TRIM9: variants seen among roughly 807,000 people sequenced by gnomAD.
TRIM9 encodes E3 ubiquitin-protein ligase TRIM9.
In TRIM9, 26 loss-of-function variants were observed where a neutral mutation model predicts 78.3. That is an observed-to-expected ratio of 0.33 (90% CI 0.24 to 0.46). The LOEUF is 0.46. Ranked by LOEUF, TRIM9 falls within the 20% of genes least tolerant of loss-of-function variation. The pLI is 1.00. For synonymous variants in TRIM9, 398 were observed against 416.5 expected (o/e 0.96, Z 0.54); for missense variants, 787 against 1,036.4 (o/e 0.76, Z 3.30).
At chr14:51,064,354 A>G (rs1300691924) in intron 1 of TRIM9, among the ~76,000 whole-genome samples, 1 of 152,120 alleles carries the variant, frequency 6.6e-6, no homozygotes, top group African/African-American at 2.4e-5. Flanking sequence ...AAATAGAAAA[A>G]TGGTAGCCTT....
intron 1 of TRIM9, among the ~76,000 whole-genome samples, chr14:51,055,003 C>A (rs1393512649): frequency 6.6e-6 from 1 of 151,498 alleles, no homozygotes; most frequent in African/African-American, 2.4e-5. Flanking sequence ...CTAATTTTTG[C>A]ATTTTCAGAG....
At chr14:51,016,019 T>C (rs11844329) in intron 3 of TRIM9, among the ~76,000 whole-genome samples, 62,901 of 151,952 alleles carry the variant, frequency 0.41, 13,331 homozygotes, top group South Asian at 0.66. Flanking sequence ...GGTACAGTTG[T>C]CTCCTCAGTA....
In TRIM9 at chr14:51,095,094, C is replaced by A. The variant is rs925060189; in HGVS notation, c.-155G>T. 1 of 509,228 alleles carries A rather than the reference C, an allele frequency of 2.0e-6. No homozygotes were observed. The highest frequency in any genetic ancestry group is 3.1e-6 in the Non-Finnish European group (1 of 321,814). The allele number at this position is 509,228 out of a possible 1,614,324, so 31.5% of individuals were successfully genotyped here. On this transcript the variant is annotated 5_prime_UTR_variant, in exon 1 of 13. Coordinates refer to ENST00000684578, the MANE Select transcript of TRIM9 (RefSeq NM_001387360.1). ...GCACTGGCACGGACACCCAGAGAGGCGCTAGCTCTGTGAGCCGCAGCCGCG... is the reference window on the plus strand; with the variant it reads ...GCACTGGCACGGACACCCAGAGAGGAGCTAGCTCTGTGAGCCGCAGCCGCG...
intron 1 of TRIM9, among the ~76,000 whole-genome samples, chr14:51,075,082 G>A (rs1404546402): frequency 1.3e-5 from 2 of 152,180 alleles, no homozygotes; most frequent in African/African-American, 2.4e-5. Context: ...TAAATTTGCC[G>A]CTAACTGGGA....
In TRIM9 at chr14:51,000,770, C is replaced by T. The variant is rs200192609; in HGVS notation, c.1377G>A (p.Thr459=). ...EECCTHNNSA[T]LSWKQPPLST... is the part of the protein sequence containing the mutation. ...ACAGAGGTGGCTGTTTCCAGGACAA[C>T]GTAGCGCTGTTGTTGTGGGTACAAC... The change falls in exon 6 of 13, where the codon ACG becomes ACA. Residue 459 remains threonine (T), a synonymous_variant. Transcript: ENST00000684578. 84 of 1,614,182 alleles carry T rather than the reference C, an allele frequency of 5.2e-5. No homozygotes were observed. The highest frequency in any genetic ancestry group is 1.1e-4 in the East Asian group (5 of 44,890).
intron 1 of TRIM9, among the ~76,000 whole-genome samples, chr14:51,084,189 A>G (rs1301413067): frequency 2.6e-5 from 4 of 151,974 alleles, no homozygotes; most frequent in African/African-American, 9.7e-5. Context: ...TTTTATATAT[A>G]TTTAGTGACC....
intron 1 of TRIM9, among the ~76,000 whole-genome samples, chr14:51,082,447 G>A (rs58066729): frequency 0.021 from 3,228 of 152,280 alleles, 124 homozygotes; most frequent in African/African-American, 0.07. Context: ...AAAGAATGAT[G>A]TACTGAGGCA....
intron 1 of TRIM9, among the ~76,000 whole-genome samples, chr14:51,052,904 C>T (rs536327639): frequency 3.8e-4 from 58 of 152,306 alleles, no homozygotes; most frequent in Middle Eastern, 3.4e-3. Flanking sequence ...TGCCTATAAT[C>T]CCAACATTTT....
intron 1 of TRIM9, among the ~76,000 whole-genome samples, chr14:51,093,399 C>T (rs2064583398): frequency 6.6e-6 from 1 of 152,196 alleles, no homozygotes; most frequent in Admixed American, 6.5e-5. Context: ...GCTTCCAGGC[C>T]GCGACTGCGC....
rs186732237 is a variant in TRIM9 at position 51,057,726 on chromosome 14, T to C, written c.823-32366A>G. 1.8e-3 allele frequency among the ~76,000 whole-genome samples: 276 copies of C among 152,366 alleles called. 1 individual carries two copies. The highest frequency in any genetic ancestry group is 5.8e-3 in the African/African-American group (240 of 41,592). On this transcript the variant is annotated intron_variant, in intron 1 of 12. Coordinates refer to ENST00000684578, the MANE Select transcript of TRIM9 (RefSeq NM_001387360.1). ...TGGTAAAAATCAAAATCATGGCCTT[T>C]TAATCTGAATGTATTCATCTTTCTC...
chr14:51,009,349 T>C (rs1050199266), intron 4 of TRIM9, 116 bp from the exon 5 acceptor site: 1 of 1,277,480 alleles, frequency 7.8e-7, no homozygotes, highest in African/African-American at 1.5e-5. Flanking sequence ...ACTCATACTC[T>C]GACTGCCTCA....
intron 1 of TRIM9, among the ~76,000 whole-genome samples, chr14:51,060,765 C>T (rs2061293970): frequency 6.6e-6 from 1 of 152,222 alleles, no homozygotes; most frequent in African/African-American, 2.4e-5. Flanking sequence ...CTGCACCCAG[C>T]CTATATTCAT....
rs1566660109 is a variant in TRIM9 at position 51,094,317 on chromosome 14, C to T, written c.623G>A (p.Arg208His). 3 of 1,613,570 alleles carry T rather than the reference C, an allele frequency of 1.9e-6. No individual in the cohort carries two copies. The highest frequency in any genetic ancestry group is 1.7e-6 in the Non-Finnish European group (2 of 1,179,784). The stretch of plus-strand genomic sequence containing the variant: ...ACGACCCTGGGCCGGGGGCACCAGG[C>T]GGTGCTTGGCTAGGGGCCCCCGGGG... ...HPPRGPLAKH[R>H]LVPPAQGRVS... is the part of the protein sequence containing the mutation. The change falls in exon 1 of 13, where the codon CGC (arginine) becomes CAC (histidine). Residue 208 changes from arginine to histidine, a missense_variant. Physicochemically the swap from Arg to His is conservative, Grantham distance 29. Around this residue, in one of 3 missense-constraint regions of TRIM9, gnomAD observed 352 missense variants for 472.3 expected, o/e 0.75. Transcript: ENST00000684578.
At chr14:51,002,782 T>C (rs560113991) in intron 5 of TRIM9, among the ~76,000 whole-genome samples, 1 of 152,372 alleles carries the variant, frequency 6.6e-6, no homozygotes, top group South Asian at 2.1e-4. Flanking sequence ...AATTGTCGTA[T>C]ACTTAAGAAA....
chr14:51,063,244 G>A (rs1201018365), intron 1 of TRIM9, among the ~76,000 whole-genome samples: 3 of 152,062 alleles, frequency 2.0e-5, no homozygotes, highest in Non-Finnish European at 1.5e-5. Context: ...ACAATATACT[G>A]GAGTAGGCGG....
chr14:51,059,252 T>C (rs543668273), intron 1 of TRIM9, among the ~76,000 whole-genome samples: 4 of 152,230 alleles, frequency 2.6e-5, no homozygotes, highest in Non-Finnish European at 4.4e-5. Context: ...CTCATGTTAC[T>C]ATGGTTACCA....
chr14:50,997,847 G>C (rs937693238), intron 7 of TRIM9: 1 of 1,397,936 alleles, frequency 7.2e-7, no homozygotes, highest in African/African-American at 1.4e-5. Context: ...TGGAACTGCC[G>C]ATGTGGAATC....
Position 51,076,868 on chromosome 14 carries a change from T to A in TRIM9, c.822+17250A>T, listed in dbSNP as rs999833744. Among the ~76,000 whole-genome samples, 2 of 152,222 alleles carry A rather than the reference T, an allele frequency of 1.3e-5. 1 individual carries two copies. Among genetic ancestry groups the A allele is most frequent in the African/African-American group, 4.8e-5 (2 of 41,466 alleles). On this transcript the variant is annotated intron_variant, in intron 1 of 12. Transcript: ENST00000684578. ...CTTATTCCTAACCCCTCAGTTGTGT[T>A]GCCTGAATAGCAGTAGACCCTGGAA...
chr14:50,978,318 G>T (rs142871831), intron 12 of TRIM9, among the ~76,000 whole-genome samples: 36 of 152,302 alleles, frequency 2.4e-4, no homozygotes, highest in African/African-American at 7.7e-4. Context: ...GCTCATAGTT[G>T]TTAATGAGAT....
Sources: allele counts gnomAD v4.1 joint callset (sites outside exome capture counted in the v4.1 genomes callset), GRCh38; gene constraint gnomAD v4.1.1; regional missense constraint gnomAD v4.1.1; transcripts MANE v1.5; gene names NCBI Gene and HGNC (gene_info 2026-07-23, HGNC 2026-07-21).